Variants in KCNIP4 observed in about 807,000 individuals in gnomAD.
KCNIP4 encodes the protein potassium voltage-gated channel interacting protein 4.
Under a neutral mutation model 34.0 loss-of-function variants are expected in KCNIP4, and 12 were observed. That is an observed-to-expected ratio of 0.35 (90% CI 0.23 to 0.57). The LOEUF (loss-of-function observed/expected upper bound fraction) is 0.57, where lower values mean the gene tolerates loss of function less well. Among genes scored for constraint, KCNIP4 ranks in the 20% least tolerant of loss-of-function variants. KCNIP4 has a pLI of 0.83. For missense variants in KCNIP4, 238 were observed against 311.7 expected, an observed-to-expected ratio of 0.76 and a Z score of 1.78; for synonymous variants, 124 against 102.2, an observed-to-expected ratio of 1.21 and a Z score of -1.29.
chr4:21,785,921 C>G (rs1046032824), intron 1 of KCNIP4, among the ~76,000 whole-genome samples: 9 of 152,090 alleles, frequency 5.9e-5, no homozygotes, highest in Non-Finnish European at 1.2e-4. Flanking sequence ...CATTCATGTA[C>G]AGGTTTTGGT....
intron 1 of KCNIP4, among the ~76,000 whole-genome samples, chr4:21,348,385 C>T (rs538102931): frequency 1.3e-5 from 2 of 152,254 alleles, no homozygotes; most frequent in South Asian, 4.1e-4. Context: ...AGAGTGTTGG[C>T]AAATAGCTCC....
chr4:21,767,675 A>ATATAAAAC lies in KCNIP4; in HGVS notation c.61+180888_61+180895dup, dbSNP rs199758265. 6.5e-3 allele frequency among the ~76,000 whole-genome samples: 986 copies of ATATAAAAC among 152,248 alleles called. 6 individuals are homozygous for ATATAAAAC. The highest frequency in any genetic ancestry group is 0.01 in the Middle Eastern group (3 of 294). On this transcript the variant is annotated intron_variant, in intron 1 of 8. Transcript: ENST00000382152. ...TACAAAAAATTACATATCCTGAAATATATAAAACGTTAAATAACTGTTTTT... is the reference window on the plus strand; with the variant it reads ...TACAAAAAATTACATATCCTGAAATATATAAAACTATAAAACGTTAAATAACTGTTTTT...
At chr4:21,864,320 T>C (rs1725287779) in intron 1 of KCNIP4, among the ~76,000 whole-genome samples, 1 of 152,228 alleles carries the variant, frequency 6.6e-6, no homozygotes, top group Non-Finnish European at 1.5e-5. Flanking sequence ...ATTATTTTAT[T>C]TATTATCAAG....
chr4:21,894,203 G>T (rs1452204440), intron 1 of KCNIP4, among the ~76,000 whole-genome samples: 1 of 151,994 alleles, frequency 6.6e-6, no homozygotes, highest in Non-Finnish European at 1.5e-5. Context: ...GTGTGTGGTG[G>T]CACGTGCCTG....
chr4:21,621,866 T>G (rs1416146997), intron 1 of KCNIP4, among the ~76,000 whole-genome samples: 2 of 152,174 alleles, frequency 1.3e-5, no homozygotes, highest in Admixed American at 1.3e-4. Flanking sequence ...TGCCTTTATC[T>G]ATTGAACAAT....
At chr4:21,541,331 G>T (rs1737674363) in intron 1 of KCNIP4, among the ~76,000 whole-genome samples, 1 of 152,060 alleles carries the variant, frequency 6.6e-6, no homozygotes, top group Admixed American at 6.6e-5. Flanking sequence ...TAGTGCTTCA[G>T]CCTTATCCCA....
chr4:21,065,465 G>C lies in KCNIP4; in HGVS notation c.62-182756C>G, dbSNP rs567859321. On this transcript the variant is annotated intron_variant, in intron 1 of 8. Transcript: ENST00000382152. ...TTGATTTACAGCCCAAGATAATGGT[G>C]CTTCTAGTATCTCAAATACTAAAAA... 2.0e-5 allele frequency among the ~76,000 whole-genome samples: 3 copies of C among 152,038 alleles called. No individual in the cohort carries two copies. The East Asian group carries it at 5.8e-4, about 29-fold the overall frequency.
chr4:21,146,260 T>C (rs192492824), intron 1 of KCNIP4, among the ~76,000 whole-genome samples: 2 of 152,022 alleles, frequency 1.3e-5, no homozygotes, highest in African/African-American at 4.8e-5. Flanking sequence ...TAGCCAGGCG[T>C]GGTGGCGGGC....
intron 1 of KCNIP4, among the ~76,000 whole-genome samples, chr4:21,424,525 T>C (rs1377074089): frequency 1.3e-5 from 2 of 151,670 alleles, no homozygotes; most frequent in African/African-American, 2.4e-5. Flanking sequence ...TTAGCTGAGA[T>C]TGGCAACTGC....
At chr4:21,378,558 C>G (rs1024526954) in intron 1 of KCNIP4, among the ~76,000 whole-genome samples, 5 of 152,116 alleles carry the variant, frequency 3.3e-5, no homozygotes, top group Admixed American at 6.6e-5. Flanking sequence ...TTGTTTTGCT[C>G]TGAAAGAATT....
chr4:20,742,760 A>G (rs1192356376), intron 5 of KCNIP4, among the ~76,000 whole-genome samples: 1 of 152,188 alleles, frequency 6.6e-6, no homozygotes, highest in Non-Finnish European at 1.5e-5. Flanking sequence ...AATTAGGGAA[A>G]GAAGAAGTCA....
chr4:21,817,930 T>C (rs540692588), intron 1 of KCNIP4, among the ~76,000 whole-genome samples: 8 of 152,338 alleles, frequency 5.3e-5, no homozygotes, highest in Admixed American at 6.5e-5. Flanking sequence ...TCAGTAGTTC[T>C]GCTTTTGCCC....
At chr4:21,192,849 G>T (rs1755748952) in intron 1 of KCNIP4, among the ~76,000 whole-genome samples, 1 of 151,460 alleles carries the variant, frequency 6.6e-6, no homozygotes, top group African/African-American at 2.4e-5. Flanking sequence ...TGAACCCAGG[G>T]GTTTGAGACC....
At chr4:21,042,328 A>G (rs1481044145) in intron 1 of KCNIP4, among the ~76,000 whole-genome samples, 9 of 152,224 alleles carry the variant, frequency 5.9e-5, no homozygotes, top group Admixed American at 1.3e-4. Context: ...AATTTGGTCT[A>G]TATACACAAT....
intron 1 of KCNIP4, among the ~76,000 whole-genome samples, chr4:21,451,541 C>A (rs1728506664): frequency 6.6e-6 from 1 of 152,272 alleles, no homozygotes; most frequent in East Asian, 1.9e-4. Flanking sequence ...TTTTCAAAGT[C>A]ATTTGAAGAA....
At chr4:21,465,524 A>G (rs1243809571) in intron 1 of KCNIP4, among the ~76,000 whole-genome samples, 1 of 152,064 alleles carries the variant, frequency 6.6e-6, no homozygotes, top group Non-Finnish European at 1.5e-5. Flanking sequence ...ACCAGTTGCA[A>G]CCTCCTACAA....
Position 21,819,358 on chromosome 4 carries a change from G to A in KCNIP4, c.61+129213C>T, listed in dbSNP as rs557038937. ...CAACATGCTGCACAACACACACTGT[G>A]CCAGATTTCTTCAGTCTTCACCTTG... On this transcript the variant is annotated intron_variant, in intron 1 of 8. Transcript: ENST00000382152. Among the ~76,000 whole-genome samples, 30 of 152,282 alleles carry A rather than the reference G, an allele frequency of 2.0e-4. No homozygotes were observed. In the East Asian group the frequency reaches 5.8e-3, roughly 30 times the overall value.
At chr4:21,289,994 G>A (rs1763340491) in intron 1 of KCNIP4, among the ~76,000 whole-genome samples, 1 of 152,024 alleles carries the variant, frequency 6.6e-6, no homozygotes, top group Non-Finnish European at 1.5e-5. Context: ...GAAAACTAAA[G>A]CTTCTCTTAG....
intron 3 of KCNIP4, among the ~76,000 whole-genome samples, chr4:20,765,416 A>G (rs1312997632): frequency 6.6e-6 from 1 of 152,176 alleles, no homozygotes; most frequent in Non-Finnish European, 1.5e-5. Context: ...AAGGGAAGCC[A>G]TTTCAATCAA....
Sources: allele counts gnomAD v4.1 joint callset (sites outside exome capture counted in the v4.1 genomes callset), GRCh38; gene constraint gnomAD v4.1.1; transcripts MANE v1.5; gene names NCBI Gene and HGNC (gene_info 2026-07-23, HGNC 2026-07-21).